ANKRD30B: variants seen among roughly 807,000 people sequenced by gnomAD.
ANKRD30B encodes the protein ankyrin repeat domain-containing protein 30B.
ANKRD30B carries 144 observed loss-of-function variants against 202.2 expected under a neutral mutation model. The ratio of observed to expected loss-of-function variants is 0.71; its 90% CI spans 0.62 to 0.82. The LOEUF is 0.82. Ranked by LOEUF, ANKRD30B falls within the 40% of genes least tolerant of loss-of-function variation. The pLI, the probability that ANKRD30B is intolerant of heterozygous loss-of-function variation, is 0.00. For missense variants in ANKRD30B, 1,487 were observed against 1,669.1 expected, an observed-to-expected ratio of 0.89 and a Z score of 1.90; for synonymous variants, 508 against 561.3, an observed-to-expected ratio of 0.91 and a Z score of 1.34.
intron 10 of ANKRD30B, among the ~76,000 whole-genome samples, chr18:14,778,465 C>A (rs1288757793): frequency 6.6e-6 from 1 of 152,082 alleles, no homozygotes; most frequent in East Asian, 1.9e-4. Context: ...ATAAGGTGAC[C>A]TTTCTTTACC....
chr18:14,760,495 T>C, intron 5 of ANKRD30B, 59 bp from the exon 6 acceptor site: 1 of 959,270 alleles, frequency 1.0e-6, no homozygotes, highest in Non-Finnish European at 1.6e-6. Context: ...ATAAATTTGG[T>C]AAATGTTTTT....
chr18:14,881,780 C>T, the ANKRD30B span, among the ~76,000 whole-genome samples: 3 of 151,672 alleles, frequency 2.0e-5, no homozygotes, highest in East Asian at 1.9e-4. Context: ...AATCTTGCTG[C>T]TTGATTTATT....
chr18:14,763,800 G>A lies in ANKRD30B; in HGVS notation c.935G>A (p.Gly312Glu). The change falls in exon 7 of 44, where the codon GGA becomes GAA. Residue 312 changes from glycine to glutamate, a missense_variant. Gly to Glu is a moderately conservative substitution (Grantham distance 98). Around this residue, in one of 6 missense-constraint regions of ANKRD30B, gnomAD observed 889 missense variants for 841.4 expected, o/e 1.06. Transcript: ENST00000690538. ...TPDEAARLVEGTSAKIQCLGK... is the reference protein window; with the variant it reads ...TPDEAARLVEETSAKIQCLGK... Reference sequence around the variant, plus strand: ...GACGAGGCTGCACGCTTGGTGGAGGGAACGTCTGCCAAAATTCAATGTCTG... The same window carrying A: ...GACGAGGCTGCACGCTTGGTGGAGGAAACGTCTGCCAAAATTCAATGTCTG... 2 of 1,613,830 alleles carry A rather than the reference G, an allele frequency of 1.2e-6. No homozygotes were observed. Among genetic ancestry groups the A allele is most frequent in the Non-Finnish European group, 1.7e-6 (2 of 1,179,926 alleles).
chr18:14,927,339 C>A, the ANKRD30B span, among the ~76,000 whole-genome samples: 1 of 152,314 alleles, frequency 6.6e-6, no homozygotes, highest in East Asian at 1.9e-4. Context: ...AGCTCACATG[C>A]CCTATGTGCA....
the ANKRD30B span, among the ~76,000 whole-genome samples, chr18:14,912,013 T>C: frequency 6.6e-6 from 1 of 152,064 alleles, no homozygotes. Context: ...AATCTAAGAG[T>C]TTATTGGTGG....
the ANKRD30B span, among the ~76,000 whole-genome samples, chr18:14,940,628 T>A: frequency 6.6e-6 from 1 of 152,180 alleles, no homozygotes; most frequent in Non-Finnish European, 1.5e-5. Flanking sequence ...TAATGTCATA[T>A]CAATTTCATA....
rs1269143361 is a variant in ANKRD30B at position 14,748,434 on chromosome 18, A to G, written c.15A>G (p.Leu5=). 5.3e-6 allele frequency: 8 copies of G among 1,511,230 alleles called. No individual in the cohort carries two copies. In the South Asian group the frequency reaches 1.0e-4, roughly 19 times the overall value. The allele number at this position is 1,511,230 out of a possible 1,614,324, so 93.6% of individuals were successfully genotyped here. MKRL[L]AAAGKGVRGP... ...GGGCTGCAGCCATGAAGAGGCTCTT[A>G]GCTGCCGCTGGCAAGGGCGTGCGGG... Residue 5 remains leucine (L), a synonymous_variant, in exon 1 of 44, where the codon TTA becomes TTG. Transcript: ENST00000690538.
chr18:14,785,966 A>G (rs1271198199), intron 14 of ANKRD30B, among the ~76,000 whole-genome samples: 1 of 145,282 alleles, frequency 6.9e-6, no homozygotes, highest in African/African-American at 2.6e-5. Context: ...TGAACCCAGG[A>G]AGCGGAGCTT....
chr18:14,808,055 T>A (rs1969631267), intron 24 of ANKRD30B, among the ~76,000 whole-genome samples: 2 of 151,148 alleles, frequency 1.3e-5, no homozygotes, highest in Non-Finnish European at 2.9e-5. Context: ...TGAATTCTCA[T>A]CGGAGCTTTG....
intron 30 of ANKRD30B, among the ~76,000 whole-genome samples, chr18:14,815,479 G>T (rs1294143131): frequency 6.6e-6 from 1 of 152,090 alleles, no homozygotes; most frequent in African/African-American, 2.4e-5. Context: ...AAGAGGAGAG[G>T]CCTTTCATGG....
intron 16 of ANKRD30B, among the ~76,000 whole-genome samples, chr18:14,794,522 A>G (rs538911763): frequency 6.6e-6 from 1 of 152,190 alleles, no homozygotes; most frequent in African/African-American, 2.4e-5. Flanking sequence ...TTTACCTAAA[A>G]CAAGCAGATG....
At chr18:14,754,356 A>C (rs1244239426) in intron 3 of ANKRD30B, among the ~76,000 whole-genome samples, 1 of 152,148 alleles carries the variant, frequency 6.6e-6, no homozygotes, top group Non-Finnish European at 1.5e-5. Context: ...ATATATTGTC[A>C]AGTAAGTATT....
intron 32 of ANKRD30B, among the ~76,000 whole-genome samples, chr18:14,825,974 C>T (rs1970641039): frequency 1.3e-5 from 2 of 149,082 alleles, no homozygotes; most frequent in African/African-American, 5.2e-5. Flanking sequence ...AAAGTGCAAA[C>T]AGTCATGGGA....
At chr18:14,803,669 C>G in intron 23 of ANKRD30B, 65 bp from the exon 24 acceptor site, 1 of 1,486,326 alleles carries the variant, frequency 6.7e-7, no homozygotes, top group Non-Finnish European at 9.2e-7. Context: ...TAATTAGGAA[C>G]TTTTGATACT....
At chr18:14,924,030 C>T in the ANKRD30B span, among the ~76,000 whole-genome samples, 1 of 152,200 alleles carries the variant, frequency 6.6e-6, no homozygotes, top group Admixed American at 6.5e-5. Flanking sequence ...CATCTTCTCA[C>T]CTAGATTGTC....
Position 14,748,204 on chromosome 18 carries a change from C to T in ANKRD30B, c.-216C>T. 2 of 454,506 alleles carry T rather than the reference C, an allele frequency of 4.4e-6. No homozygotes were observed. The highest frequency in any genetic ancestry group is 7.7e-6 in the Non-Finnish European group (2 of 258,136). 28.2% of individuals were successfully genotyped at this position (454,506 alleles called of 1,614,324 possible). ...TCTAACGTTAGAGCAGCTAACGGCTCTGCTCAGAATTTCTCCCGACAGAGG... is the reference window on the plus strand; with the variant it reads ...TCTAACGTTAGAGCAGCTAACGGCTTTGCTCAGAATTTCTCCCGACAGAGG... On this transcript the variant is annotated 5_prime_UTR_variant, in exon 1 of 44. Coordinates refer to ENST00000690538, the MANE Select transcript of ANKRD30B (RefSeq NM_001367607.2).
the ANKRD30B span, among the ~76,000 whole-genome samples, chr18:14,865,465 C>A: frequency 6.6e-6 from 1 of 151,488 alleles, no homozygotes; most frequent in Admixed American, 6.6e-5. Flanking sequence ...TTTTTGCAAA[C>A]CTTCTCTCCT....
intron 9 of ANKRD30B, 50 bp downstream of exon 9, chr18:14,772,278 G>A: frequency 8.1e-7 from 1 of 1,228,240 alleles, no homozygotes; most frequent in Non-Finnish European, 1.1e-6. Flanking sequence ...ATATATTTCT[G>A]TATAGTATTT....
chr18:14,900,949 A>G, the ANKRD30B span, among the ~76,000 whole-genome samples: 9 of 152,228 alleles, frequency 5.9e-5, no homozygotes, highest in African/African-American at 2.2e-4. Flanking sequence ...GCATGGAGAA[A>G]TAAATAATTT....
Sources: allele counts gnomAD v4.1 joint callset (sites outside exome capture counted in the v4.1 genomes callset), GRCh38; gene constraint gnomAD v4.1.1; regional missense constraint gnomAD v4.1.1; transcripts MANE v1.5; gene names NCBI Gene and HGNC (gene_info 2026-07-23, HGNC 2026-07-21).